Variants in CACNA2D3 observed in about 807,000 individuals in gnomAD.
CACNA2D3 encodes the protein calcium voltage-gated channel auxiliary subunit alpha2delta 3.
CACNA2D3 carries 60 observed loss-of-function variants against 160.6 expected under a neutral mutation model. That is an observed-to-expected ratio of 0.37 (90% CI 0.30 to 0.46). The LOEUF (loss-of-function observed/expected upper bound fraction) is 0.46. Ranked by LOEUF, CACNA2D3 falls within the 20% of genes least tolerant of loss-of-function variation. The pLI, the probability that CACNA2D3 is intolerant of heterozygous loss-of-function variation, is 1.00. For synonymous variants in CACNA2D3, 558 were observed against 492.9 expected (o/e 1.13, Z -1.75); for missense variants, 1,205 against 1,365.0 (o/e 0.88, Z 1.85).
chr3:54,806,239 A>G (rs1298919003), intron 13 of CACNA2D3, among the ~76,000 whole-genome samples: 9 of 152,208 alleles, frequency 5.9e-5, no homozygotes, highest in Non-Finnish European at 1.2e-4. Flanking sequence ...AGAGTATTCA[A>G]TTAGGAAAAG....
rs950239578 is a variant in CACNA2D3 at position 54,379,540 on chromosome 3, T to C, written c.322-7175T>C. On this transcript the variant is annotated intron_variant, in intron 3 of 37. Coordinates refer to ENST00000474759, the MANE Select transcript of CACNA2D3 (RefSeq NM_018398.3). Reference sequence around the variant, plus strand: ...GTGTGTTGGCTTTCTTCTTGTCTAATTGTGTCCATTTCTGCAGGTTATTCA... The same window carrying C: ...GTGTGTTGGCTTTCTTCTTGTCTAACTGTGTCCATTTCTGCAGGTTATTCA... Among the ~76,000 whole-genome samples, 5 of 152,268 alleles carry C rather than the reference T, an allele frequency of 3.3e-5. No individual in the cohort carries two copies. The East Asian group carries it at 9.6e-4, about 29-fold the overall frequency.
At chr3:54,694,711 T>A (rs1700631076) in intron 11 of CACNA2D3, among the ~76,000 whole-genome samples, 1 of 152,204 alleles carries the variant, frequency 6.6e-6, no homozygotes, top group South Asian at 2.1e-4. Flanking sequence ...CTAGCTGTAT[T>A]TGGGTTCCTT....
In CACNA2D3 at chr3:55,018,193, A is replaced by T. The variant is rs757230078; in HGVS notation, c.2876-13A>T. On this transcript the variant is annotated splice_polypyrimidine_tract_variant and intron_variant, in intron 34 of 37. Coordinates refer to ENST00000474759, the MANE Select transcript of CACNA2D3 (RefSeq NM_018398.3). ...TGCATTCTTTACCTTTTTTTTTCCC[A>T]CTATCCCTACAGCCCAGAAATTGAA... 3 of 1,567,524 alleles carry T rather than the reference A, an allele frequency of 1.9e-6. No homozygotes were observed. The highest frequency in any genetic ancestry group is 2.6e-6 in the Non-Finnish European group (3 of 1,140,154).
chr3:54,256,426 T>A (rs536998797), intron 2 of CACNA2D3, among the ~76,000 whole-genome samples: 1 of 152,272 alleles, frequency 6.6e-6, no homozygotes, highest in South Asian at 2.1e-4. Flanking sequence ...GGGGGCCATG[T>A]GATGAGGAAT....
At chr3:54,872,630 C>T (rs1031571166) in intron 18 of CACNA2D3, among the ~76,000 whole-genome samples, 4 of 152,198 alleles carry the variant, frequency 2.6e-5, no homozygotes, top group Admixed American at 1.3e-4. Context: ...TTTCCACACG[C>T]TCTGCACTTT....
intron 35 of CACNA2D3, among the ~76,000 whole-genome samples, chr3:55,036,012 G>A (rs1703808814): frequency 6.6e-6 from 1 of 152,152 alleles, no homozygotes; most frequent in Non-Finnish European, 1.5e-5. Context: ...TACAACATCA[G>A]TTCCACCAGG....
At chr3:54,871,081 CACACACACACA>C in intron 17 of CACNA2D3, among the ~76,000 whole-genome samples, 1 of 97,862 alleles carries the variant, frequency 1.0e-5, no homozygotes, top group South Asian at 3.6e-4. Flanking sequence ...CACACACACA[CACACACACACA>C]CCATTCAATG....
chr3:54,912,736 T>C (rs1432605014), intron 27 of CACNA2D3, among the ~76,000 whole-genome samples: 1 of 152,132 alleles, frequency 6.6e-6, no homozygotes, highest in Non-Finnish European at 1.5e-5. Flanking sequence ...TGTATTTCTT[T>C]ATCTTCTCCC....
chr3:54,917,019 C>T (rs1244487093), intron 27 of CACNA2D3, among the ~76,000 whole-genome samples: 1 of 152,186 alleles, frequency 6.6e-6, no homozygotes, highest in Non-Finnish European at 1.5e-5. Context: ...CCATTCTCTG[C>T]TTTTAACATG....
intron 2 of CACNA2D3, among the ~76,000 whole-genome samples, chr3:54,258,092 C>T (rs1414275598): frequency 6.6e-6 from 1 of 152,178 alleles, no homozygotes; most frequent in Non-Finnish European, 1.5e-5. Context: ...AGCATAGTAA[C>T]CTTCACGGCC....
chr3:54,637,397 A>G (rs563596459), intron 10 of CACNA2D3, among the ~76,000 whole-genome samples: 3 of 151,990 alleles, frequency 2.0e-5, no homozygotes, highest in Admixed American at 6.5e-5. Context: ...AAGGGCGGCA[A>G]TGAGATATAG....
At chr3:54,803,062 G>A (rs920582038) in intron 13 of CACNA2D3, among the ~76,000 whole-genome samples, 6 of 152,224 alleles carry the variant, frequency 3.9e-5, no homozygotes, top group East Asian at 3.9e-4. Context: ...CCATCTGTAC[G>A]TCACCATCAT....
chr3:55,041,101 A>G lies in CACNA2D3; in HGVS notation c.2987+22784A>G, dbSNP rs576782197. Among the ~76,000 whole-genome samples, 3 of 152,304 alleles carry G rather than the reference A, an allele frequency of 2.0e-5. No individual in the cohort carries two copies. The East Asian group carries it at 5.8e-4, about 29-fold the overall frequency. The stretch of plus-strand genomic sequence containing the variant: ...TGATCTTTCCTCATAGGTTTTGGAA[A>G]TGAGATTTCCCTCATTCTGTTTCAA... On this transcript the variant is annotated intron_variant, in intron 35 of 37. Coordinates refer to ENST00000474759, the MANE Select transcript of CACNA2D3 (RefSeq NM_018398.3).
At chr3:54,825,050 CTG>C (rs1214596448) in intron 14 of CACNA2D3, among the ~76,000 whole-genome samples, 1 of 152,152 alleles carries the variant, frequency 6.6e-6, no homozygotes, top group African/African-American at 2.4e-5. Context: ...AAATATGTGA[CTG>C]TTTTCTATTT....
At chr3:54,955,654 G>T (rs1701868897) in intron 27 of CACNA2D3, among the ~76,000 whole-genome samples, 1 of 152,134 alleles carries the variant, frequency 6.6e-6, no homozygotes, top group Non-Finnish European at 1.5e-5. Flanking sequence ...AATGTTGGTG[G>T]AATGGAGAAA....
At chr3:54,501,662 C>T (rs1034906563) in intron 4 of CACNA2D3, among the ~76,000 whole-genome samples, 2 of 152,004 alleles carry the variant, frequency 1.3e-5, no homozygotes, top group Admixed American at 1.3e-4. Flanking sequence ...TCAAGCAATC[C>T]TCCTGCCTTG....
chr3:54,418,035 G>A (rs1219590151), intron 4 of CACNA2D3, among the ~76,000 whole-genome samples: 2 of 152,112 alleles, frequency 1.3e-5, no homozygotes, highest in African/African-American at 4.8e-5. Flanking sequence ...TGATCCATCC[G>A]CCTTGGCCTC....
intron 2 of CACNA2D3, among the ~76,000 whole-genome samples, chr3:54,170,294 G>C (rs1576975918): frequency 6.6e-6 from 1 of 152,018 alleles, no homozygotes; most frequent in East Asian, 1.9e-4. Context: ...AGAAGACCAG[G>C]ATAATTTGCC....
Position 54,987,667 on chromosome 3 carries a change from GTCT to G in CACNA2D3, c.2620-10_2620-8del. 2.5e-6 allele frequency: 4 copies of G among 1,571,466 alleles called. No homozygotes were observed. Among genetic ancestry groups the G allele is most frequent in the Non-Finnish European group, 3.5e-6 (4 of 1,154,902 alleles). ...ATTATTTATCTACACCTCCTCATAT[GTCT>G]TCTTCCCCATAGACTGGAGACTTTT... On this transcript the variant is annotated splice_polypyrimidine_tract_variant and intron_variant, in intron 30 of 37. Coordinates refer to ENST00000474759, the MANE Select transcript of CACNA2D3 (RefSeq NM_018398.3).
Sources: gnomAD v4.1 joint callset for allele counts (sites outside exome capture counted in the v4.1 genomes callset) on GRCh38, gnomAD v4.1.1 for gene constraint, MANE v1.5 for transcripts, NCBI Gene and HGNC (gene_info 2026-07-23, HGNC 2026-07-21) for gene names.